Variants in TCF7L1 observed in about 807,000 individuals in gnomAD.
TCF7L1 encodes transcription factor 7-like 1.
TCF7L1 carries 18 observed loss-of-function variants against 63.7 expected under a neutral mutation model. That is an observed-to-expected ratio of 0.28 (90% CI 0.20 to 0.42). The LOEUF (loss-of-function observed/expected upper bound fraction) is 0.42. Ranked by LOEUF, TCF7L1 falls within the 10% of genes least tolerant of loss-of-function variation. TCF7L1 has a pLI of 1.00. For synonymous variants in TCF7L1, 355 were observed against 340.9 expected (o/e 1.04, Z -0.46); for missense variants, 654 against 779.3 (o/e 0.84, Z 1.91).
In TCF7L1 at chr2:85,309,810, G is replaced by A. The variant is rs72840054; in HGVS notation, c.*348G>A. ...TCTCCTGTCTCTTCTCGCCCCTGCC[G>A]CCTGCCCCAGCTTCCCCGACTCCAT... On this transcript the variant is annotated 3_prime_UTR_variant, in exon 12 of 12. Transcript: ENST00000282111. 2.1e-3 allele frequency: 497 copies of A among 231,172 alleles called. No homozygotes were observed. The highest frequency in any genetic ancestry group is 3.1e-3 in the Non-Finnish European group (368 of 119,864). 14.3% of individuals were successfully genotyped at this position (231,172 alleles called of 1,614,324 possible). A position where few individuals can be genotyped will look rare whatever the true frequency, so the allele number is the denominator to read the frequency against.
chr2:85,140,158 C>T (rs146921473), intron 3 of TCF7L1, among the ~76,000 whole-genome samples: 1 of 152,086 alleles, frequency 6.6e-6, no homozygotes, highest in Non-Finnish European at 1.5e-5. Context: ...GCTCAGGCAC[C>T]TGGAGACTGA....
chr2:85,265,140 G>A (rs919576925), intron 3 of TCF7L1, among the ~76,000 whole-genome samples: 2 of 152,174 alleles, frequency 1.3e-5, no homozygotes, highest in African/African-American at 4.8e-5. Context: ...GGCTGTGAAA[G>A]AAGAGTGTAA....
chr2:85,255,583 G>A (rs1558647657), intron 3 of TCF7L1, among the ~76,000 whole-genome samples: 2 of 152,316 alleles, frequency 1.3e-5, no homozygotes, highest in Admixed American at 6.5e-5. Context: ...CCGCTTTGCC[G>A]GGAGAAAGGA....
At position 85,201,270 on chromosome 2, in the gene TCF7L1, C is replaced by T. The variant is rs141049149; in HGVS notation, c.441+66820C>T. Among the ~76,000 whole-genome samples, 7 of 152,222 alleles carry T rather than the reference C, an allele frequency of 4.6e-5. No homozygotes were observed. The East Asian group carries it at 1.4e-3, about 29-fold the overall frequency. On this transcript the variant is annotated intron_variant, in intron 3 of 11. Transcript: ENST00000282111. ...AGTATGCACTGTATTTAATTTTATG[C>T]AGTGATTATATTGCATCTTTATGTT...
chr2:85,294,078 CCAGGCTGG>C (rs1681790734), intron 4 of TCF7L1, among the ~76,000 whole-genome samples: 1 of 113,962 alleles, frequency 8.8e-6, no homozygotes, highest in African/African-American at 3.8e-5. Context: ...CCTCTGTCGC[CCAGGCTGG>C]AGTGCAGTGG....
intron 3 of TCF7L1, among the ~76,000 whole-genome samples, chr2:85,209,970 C>T: frequency 1.3e-5 from 2 of 152,236 alleles, no homozygotes; most frequent in South Asian, 2.1e-4. Flanking sequence ...ACATGGGTGT[C>T]TCTTGGTAAA....
chr2:85,220,477 T>C lies in TCF7L1; in HGVS notation c.442-63018T>C, dbSNP rs187818964. ...TCCTCCCAGGTTGAAGCGATTCTCCTGCCTCAGCCTTCCGAGCAGCTTGGA... is the reference window on the plus strand; with the variant it reads ...TCCTCCCAGGTTGAAGCGATTCTCCCGCCTCAGCCTTCCGAGCAGCTTGGA... On this transcript the variant is annotated intron_variant, in intron 3 of 11. Coordinates refer to ENST00000282111, the MANE Select transcript of TCF7L1 (RefSeq NM_031283.3). Among the ~76,000 whole-genome samples the C allele has an allele frequency of 4.6e-5, 7 of 152,286 alleles. No homozygotes were observed. The East Asian group carries it at 1.3e-3, about 29-fold the overall frequency.
chr2:85,205,060 A>G (rs1054663765), intron 3 of TCF7L1: 1 of 152,196 alleles, frequency 6.6e-6, no homozygotes, highest in Non-Finnish European at 1.5e-5. Context: ...TAGAAAAGGG[A>G]AAACTACCTA....
chr2:85,202,309 G>A (rs745832834), intron 3 of TCF7L1, among the ~76,000 whole-genome samples: 20 of 151,990 alleles, frequency 1.3e-4, no homozygotes, highest in Non-Finnish European at 2.4e-4. Context: ...TTATTGTTGA[G>A]TTGCAAGAGC....
intron 3 of TCF7L1, among the ~76,000 whole-genome samples, chr2:85,203,729 AAAAAAAG>A (rs1679331032): frequency 1.3e-5 from 2 of 151,994 alleles, no homozygotes; most frequent in South Asian, 4.1e-4. Flanking sequence ...ACCCTATCTC[AAAAAAAG>A]AAAAAAGAAA....
At position 85,197,813 on chromosome 2, in the gene TCF7L1, G is replaced by A. The variant is rs148798457; in HGVS notation, c.441+63363G>A. ...TGAGAGTTTGAGCAGCCTCCTGGTTGTGCAGAGTGGCCAGGGTTGGGCTCA... is the reference window on the plus strand; with the variant it reads ...TGAGAGTTTGAGCAGCCTCCTGGTTATGCAGAGTGGCCAGGGTTGGGCTCA... On this transcript the variant is annotated intron_variant, in intron 3 of 11. Coordinates refer to ENST00000282111, the MANE Select transcript of TCF7L1 (RefSeq NM_031283.3). Among the ~76,000 whole-genome samples, 45 of 152,336 alleles carry A rather than the reference G, an allele frequency of 3.0e-4. 1 individual carries two copies. The highest frequency in any genetic ancestry group is 3.4e-3 in the Middle Eastern group (1 of 294).
At chr2:85,295,207 G>C (rs1057360824) in intron 4 of TCF7L1, among the ~76,000 whole-genome samples, 25 of 151,906 alleles carry the variant, frequency 1.6e-4, no homozygotes, top group African/African-American at 5.3e-4. Context: ...GTTTTGCTTT[G>C]TTTTGTTTTT....
chr2:85,166,104 G>C lies in TCF7L1; in HGVS notation c.441+31654G>C, dbSNP rs1298347827. On this transcript the variant is annotated intron_variant, in intron 3 of 11. Transcript: ENST00000282111. ...ATCAGTTCTGTTAAATTGTCCTTTA[G>C]CCTCAGGTCACAGTGGTGGTTGTAA... Among the ~76,000 whole-genome samples the C allele has an allele frequency of 2.6e-5, 4 of 152,348 alleles. No individual in the cohort carries two copies. In the East Asian group the frequency reaches 7.7e-4, roughly 29 times the overall value.
chr2:85,185,834 C>T (rs1678907846), intron 3 of TCF7L1, among the ~76,000 whole-genome samples: 1 of 152,062 alleles, frequency 6.6e-6, no homozygotes, highest in Non-Finnish European at 1.5e-5. Flanking sequence ...CGGGTAGCCC[C>T]ATGTTGGTGG....
intron 3 of TCF7L1, among the ~76,000 whole-genome samples, chr2:85,161,943 T>TAGCGAGGCAGGCCC (rs1249405525): frequency 6.6e-6 from 1 of 152,090 alleles, no homozygotes; most frequent in African/African-American, 2.4e-5. Flanking sequence ...GCTGAGGGTC[T>TAGCGAGGCAGGCCC]AGCGAGGCAG....
intron 3 of TCF7L1, among the ~76,000 whole-genome samples, chr2:85,198,309 T>C (rs903095217): frequency 2.0e-5 from 3 of 152,216 alleles, no homozygotes; most frequent in Admixed American, 6.5e-5. Context: ...TAGAAAATCA[T>C]TGAGCAATTA....
intron 3 of TCF7L1, among the ~76,000 whole-genome samples, chr2:85,267,263 G>A (rs56124642): frequency 0.17 from 25,479 of 150,660 alleles, 3,073 homozygotes; most frequent in East Asian, 0.57. Context: ...CCCGGGAGGC[G>A]GAGGTTGCAG....
chr2:85,137,208 T>G lies in TCF7L1; in HGVS notation c.441+2758T>G, dbSNP rs570715944. Reference sequence around the variant, plus strand: ...GTCTGGATTGTTTTCAGGGTGTTAATGAACCCTAGGAATAGCAGGCAGGAG... The same window carrying G: ...GTCTGGATTGTTTTCAGGGTGTTAAGGAACCCTAGGAATAGCAGGCAGGAG... On this transcript the variant is annotated intron_variant, in intron 3 of 11. Transcript: ENST00000282111. Among the ~76,000 whole-genome samples the G allele has an allele frequency of 4.6e-5, 7 of 152,320 alleles. No homozygotes were observed. The South Asian group carries it at 1.4e-3, about 32-fold the overall frequency.
In TCF7L1 at chr2:85,161,112, C is replaced by G. The variant is rs1288229760; in HGVS notation, c.441+26662C>G. On this transcript the variant is annotated intron_variant, in intron 3 of 11. Transcript: ENST00000282111. ...CCTTGTCCTCAGAAAAATCGCTTCC[C>G]CTGCCCATGTCGCCCTGATTACTGT... 2.0e-5 allele frequency among the ~76,000 whole-genome samples: 3 copies of G among 152,122 alleles called. No homozygotes were observed. In the East Asian group the frequency reaches 5.8e-4, roughly 29 times the overall value.
Sources: gnomAD v4.1 joint callset for allele counts (sites outside exome capture counted in the v4.1 genomes callset) on GRCh38, gnomAD v4.1.1 for gene constraint, MANE v1.5 for transcripts, NCBI Gene and HGNC (gene_info 2026-07-23, HGNC 2026-07-21) for gene names.